Variants in TTC39C observed in about 807,000 individuals in gnomAD.
TTC39C encodes the protein tetratricopeptide repeat domain 39C.
TTC39C carries 33 observed loss-of-function variants against 76.3 expected under a neutral mutation model. The observed-to-expected ratio is 0.43, with a 90% CI of 0.33 to 0.58. The LOEUF is 0.58. TTC39C is among the 20% of genes least tolerant of loss of function. TTC39C has a pLI of 0.04. For missense variants in TTC39C, 595 were observed against 701.4 expected, an observed-to-expected ratio of 0.85 and a Z score of 1.71; for synonymous variants, 254 against 260.6, an observed-to-expected ratio of 0.97 and a Z score of 0.24.
At chr18:24,094,757 A>G (rs1416057153) in intron 6 of TTC39C, among the ~76,000 whole-genome samples, 5 of 152,256 alleles carry the variant, frequency 3.3e-5, no homozygotes, top group African/African-American at 1.2e-4. Context: ...AGTAAACCAT[A>G]TTATAAACAG....
At chr18:24,021,264 C>T (rs1357466564) in intron 1 of TTC39C, among the ~76,000 whole-genome samples, 2 of 152,070 alleles carry the variant, frequency 1.3e-5, no homozygotes, top group Non-Finnish European at 2.9e-5. Context: ...AGAACTGGTC[C>T]CTGTCCTACA....
intron 6 of TTC39C, among the ~76,000 whole-genome samples, chr18:24,083,958 G>A (rs986403272): frequency 6.6e-6 from 1 of 152,202 alleles, no homozygotes; most frequent in African/African-American, 2.4e-5. Context: ...GGCACTCTGA[G>A]AAATCAGCCC....
intron 1 of TTC39C, among the ~76,000 whole-genome samples, chr18:24,030,123 A>G (rs1253528206): frequency 6.6e-6 from 1 of 152,120 alleles, no homozygotes; most frequent in African/African-American, 2.4e-5. Context: ...GTTACTTTTT[A>G]AGTAGTTCTT....
chr18:24,009,929 C>G (rs546693619), upstream of TTC39C, among the ~76,000 whole-genome samples: 22 of 152,356 alleles, frequency 1.4e-4, no homozygotes, highest in South Asian at 4.6e-3. Context: ...AGTGTCCTCT[C>G]AGAGACACAC....
chr18:24,041,360 G>A (rs1456110040), intron 1 of TTC39C, among the ~76,000 whole-genome samples: 1 of 152,170 alleles, frequency 6.6e-6, no homozygotes, highest in African/African-American at 2.4e-5. Flanking sequence ...AGAACTCTGG[G>A]CTCCACCTTG....
chr18:24,027,346 T>A (rs921825238), intron 1 of TTC39C, among the ~76,000 whole-genome samples: 13 of 152,146 alleles, frequency 8.5e-5, no homozygotes, highest in Non-Finnish European at 1.9e-4. Context: ...TCCAGTAGAA[T>A]GAGTCACTGG....
chr18:24,086,790 G>C lies in TTC39C; in HGVS notation c.984+3709G>C, dbSNP rs1164023393. Among the ~76,000 whole-genome samples the C allele has an allele frequency of 6.6e-5, 10 of 152,206 alleles. No individual in the cohort carries two copies. The South Asian group carries it at 2.1e-3, about 31-fold the overall frequency. On this transcript the variant is annotated intron_variant, in intron 6 of 13. Coordinates refer to ENST00000317571, the MANE Select transcript of TTC39C (RefSeq NM_001135993.2). ...TCCCATGTGACTTACTACATTGCTG[G>C]GGGGAATGAATGTGTGAATACAGTA...
intron 4 of TTC39C, among the ~76,000 whole-genome samples, chr18:24,073,589 C>G (rs755635997): frequency 6.6e-6 from 1 of 151,998 alleles, no homozygotes; most frequent in East Asian, 1.9e-4. Flanking sequence ...GATCATAGCT[C>G]ACTTCAGCCT....
intron 8 of TTC39C, chr18:24,123,554 G>T (rs894930331): frequency 8.9e-5 from 22 of 247,894 alleles, no homozygotes; most frequent in African/African-American, 4.8e-4. Context: ...TTACAGGCAT[G>T]TGCCACCACG....
rs906005187 is a variant in TTC39C, at chr18:24,125,460, G to A, written c.1330G>A (p.Ala444Thr). ...ERFRKQTPTKALCVLASIEVL... is the reference protein window; with the variant it reads ...ERFRKQTPTKTLCVLASIEVL... ...ATTTCGGAAGCAAACCCCAACCAAA[G>A]CGCTCTGTGTGTTGGCGTCTATTGA... The change falls in exon 10 of 14, where the codon GCG becomes ACG. Residue 444 changes from alanine (A) to threonine (T), a missense_variant. Physicochemically the swap from Ala to Thr is moderately conservative, Grantham distance 58. Coordinates refer to ENST00000317571, the MANE Select transcript of TTC39C (RefSeq NM_001135993.2). The A allele has an allele frequency of 3.8e-5, 61 of 1,614,158 alleles. No individual in the cohort carries two copies. Among genetic ancestry groups the A allele is most frequent in the Non-Finnish European group, 5.1e-5 (60 of 1,180,026 alleles).
At chr18:24,015,865 T>C (rs2083449132) in intron 1 of TTC39C, among the ~76,000 whole-genome samples, 1 of 152,222 alleles carries the variant, frequency 6.6e-6, no homozygotes, top group Admixed American at 6.5e-5. Context: ...CTTCATTTCT[T>C]TGGGGACCTG....
intron 6 of TTC39C, among the ~76,000 whole-genome samples, chr18:24,089,081 G>A (rs2084483523): frequency 6.6e-6 from 1 of 152,202 alleles, no homozygotes; most frequent in South Asian, 2.1e-4. Flanking sequence ...GACAGGGACA[G>A]GAGAGCAGAC....
intron 9 of TTC39C, chr18:24,124,285 T>C (rs1266791090): frequency 1.2e-5 from 2 of 165,084 alleles, no homozygotes; most frequent in African/African-American, 4.8e-5. Flanking sequence ...AACTGGAGTA[T>C]AGTTTTTTTT....
intron 1 of TTC39C, among the ~76,000 whole-genome samples, chr18:24,025,352 T>A (rs543444751): frequency 2.4e-4 from 37 of 152,354 alleles, no homozygotes; most frequent in African/African-American, 6.7e-4. Context: ...AGTATCCCTA[T>A]TAAATATTGG....
At chr18:24,129,484 G>T (rs887430666) in intron 11 of TTC39C, among the ~76,000 whole-genome samples, 8 of 151,954 alleles carry the variant, frequency 5.3e-5, no homozygotes, top group African/African-American at 1.9e-4. Context: ...AAAGAATCAG[G>T]GTACAGTGGC....
Position 24,132,735 on chromosome 18 carries a change from T to G in TTC39C, c.*161T>G. The G allele has an allele frequency of 1.9e-6, 1 of 523,970 alleles. No homozygotes were observed. Among genetic ancestry groups the G allele is most frequent in the Non-Finnish European group, 3.3e-6 (1 of 301,618 alleles). The allele number at this position is 523,970 out of a possible 1,614,324, so 32.5% of individuals were successfully genotyped here. ...GCTGACATATTAAAGATCTCCTCTTTTAAACATGTAGCTGAAAAGTAATAA... is the reference window on the plus strand; with the variant it reads ...GCTGACATATTAAAGATCTCCTCTTGTAAACATGTAGCTGAAAAGTAATAA... On this transcript the variant is annotated 3_prime_UTR_variant, in exon 14 of 14. Coordinates refer to ENST00000317571, the MANE Select transcript of TTC39C (RefSeq NM_001135993.2).
At chr18:24,033,365 A>G (rs954930586) in intron 1 of TTC39C, among the ~76,000 whole-genome samples, 13 of 152,126 alleles carry the variant, frequency 8.5e-5, no homozygotes, top group Admixed American at 2.0e-4. Context: ...AGTTACCATG[A>G]TCTTTCAGAT....
intron 6 of TTC39C, among the ~76,000 whole-genome samples, chr18:24,105,449 T>C (rs933118945): frequency 2.0e-5 from 3 of 152,156 alleles, no homozygotes; most frequent in African/African-American, 7.2e-5. Context: ...AAGAGGGAAA[T>C]AAATGTATTA....
intron 1 of TTC39C, among the ~76,000 whole-genome samples, chr18:23,998,623 A>G (rs1300803334): frequency 1.3e-5 from 2 of 152,078 alleles, no homozygotes; most frequent in Non-Finnish European, 2.9e-5. Context: ...AATATATAAT[A>G]ATAATAATAC....
Sources: gnomAD v4.1 joint callset for allele counts (sites outside exome capture counted in the v4.1 genomes callset) on GRCh38, gnomAD v4.1.1 for gene constraint, MANE v1.5 for transcripts, NCBI Gene and HGNC (gene_info 2026-07-23, HGNC 2026-07-21) for gene names.